MCM4: variants seen among roughly 807,000 people sequenced by gnomAD.
The protein encoded by MCM4 is minichromosome maintenance complex component 4.
In MCM4, 60 loss-of-function variants were observed where a neutral mutation model predicts 88.7. The ratio of observed to expected loss-of-function variants is 0.68; its 90% CI spans 0.55 to 0.84. The LOEUF is 0.84. MCM4 is among the 40% of genes least tolerant of loss of function. MCM4 has a pLI of 0.00. For synonymous variants in MCM4, 465 were observed against 410.5 expected (o/e 1.13, Z -1.61); for missense variants, 1,149 against 1,105.5 (o/e 1.04, Z -0.56).
At chr8:47,961,109 C>G in intron 1 of MCM4, 22 bp from the exon 2 acceptor site, 1 of 1,532,184 alleles carries the variant, frequency 6.5e-7, no homozygotes, top group Non-Finnish European at 8.7e-7. Context: ...GGGCCCGGCC[C>G]GAGCTTGTCC....
chr8:47,969,666 G>A, intron 10 of MCM4, 132 bp from the exon 11 acceptor site: 1 of 798,228 alleles, frequency 1.3e-6, no homozygotes, highest in Non-Finnish European at 2.0e-6. Flanking sequence ...AGAGACGGTG[G>A]AGCTCACCCT....
rs775124491 is a variant in MCM4 at position 47,976,929 on chromosome 8, T to C, written c.*151T>C. 23 of 552,546 alleles carry C rather than the reference T, an allele frequency of 4.2e-5. No homozygotes were observed. Among genetic ancestry groups the C allele is most frequent in the Non-Finnish European group, 7.5e-5 (23 of 306,372 alleles). 34.2% of individuals were successfully genotyped at this position (552,546 alleles called of 1,614,324 possible). A position where few individuals can be genotyped will look rare whatever the true frequency, so the allele number is the denominator to read the frequency against. ...AATTTTCTAACTTGGGTTCAATATTTGTAGTGAAGTATCTGTTTTCATTTT... is the reference window on the plus strand; with the variant it reads ...AATTTTCTAACTTGGGTTCAATATTCGTAGTGAAGTATCTGTTTTCATTTT... On this transcript the variant is annotated 3_prime_UTR_variant, in exon 17 of 17. Transcript: ENST00000649973.
At chr8:47,964,030 C>T (rs555018128) in intron 7 of MCM4, among the ~76,000 whole-genome samples, 10 of 152,278 alleles carry the variant, frequency 6.6e-5, no homozygotes, top group South Asian at 6.2e-4. Flanking sequence ...TCAAGACCAG[C>T]CTGACCAACG....
chr8:47,962,472 C>T (rs2090853316), intron 5 of MCM4, 66 bp downstream of exon 5: 5 of 1,504,428 alleles, frequency 3.3e-6, no homozygotes, highest in Non-Finnish European at 4.6e-6. Flanking sequence ...TGTTTATAAT[C>T]TATATCTAAG....
chr8:47,962,790 T>C lies in MCM4; in HGVS notation c.528T>C (p.Pro176=). ...GATTTCTTCAGCGTTTTATTGACCCTCTGGCTAAAGAAGAAGAAAATGTTG... is the reference window on the plus strand; with the variant it reads ...GATTTCTTCAGCGTTTTATTGACCCCCTGGCTAAAGAAGAAGAAAATGTTG... ...FQRFLQRFID[P]LAKEEENVGI... is the part of the protein sequence containing the mutation. Residue 176 remains proline, a synonymous_variant, in exon 6 of 17, where the codon CCT becomes CCC. Transcript: ENST00000649973. The C allele has an allele frequency of 6.2e-7, 1 of 1,609,140 alleles. No individual in the cohort carries two copies. Among genetic ancestry groups the C allele is most frequent in the East Asian group, 2.2e-5 (1 of 44,814 alleles).
chr8:47,967,550 T>G, intron 10 of MCM4, 65 bp downstream of exon 10: 9 of 1,602,180 alleles, frequency 5.6e-6, no homozygotes, highest in Non-Finnish European at 6.8e-6. Flanking sequence ...TGTGCTTTAG[T>G]GAGTCATTGG....
intron 2 of MCM4, 21 bp from the exon 3 acceptor site, chr8:47,961,495 T>C (rs374385317): frequency 1.3e-4 from 207 of 1,613,550 alleles, no homozygotes; most frequent in Non-Finnish European, 1.7e-4. Flanking sequence ...TGGCTGTCTT[T>C]TCTGTTTTGT....
At position 47,976,986 on chromosome 8, in the gene MCM4, C is replaced by T. The variant is rs1416821188; in HGVS notation, c.*208C>T. 3 of 399,760 alleles carry T rather than the reference C, an allele frequency of 7.5e-6. No homozygotes were observed. Among genetic ancestry groups the T allele is most frequent in the African/African-American group, 2.1e-5 (1 of 48,554 alleles). The allele number at this position is 399,760 out of a possible 1,614,324, so 24.8% of individuals were successfully genotyped here. A position where few individuals can be genotyped will look rare whatever the true frequency, so the allele number is the denominator to read the frequency against. On this transcript the variant is annotated 3_prime_UTR_variant, in exon 17 of 17. Coordinates refer to ENST00000649973, the MANE Select transcript of MCM4 (RefSeq NM_182746.3). ...GTTATAAATAAAAATACTATGCTGG[C>T]CGGGCGCGGTGGCTCACACCTGTAA...
chr8:47,975,058 A>G (rs1045326518), intron 15 of MCM4, 96 bp downstream of exon 15: 3 of 1,015,076 alleles, frequency 3.0e-6, no homozygotes, highest in Non-Finnish European at 4.3e-6. Context: ...AAATCATTTG[A>G]AACAGAAGTT....
intron 14 of MCM4, 143 bp from the exon 15 acceptor site, chr8:47,974,591 T>C: frequency 2.9e-6 from 2 of 691,526 alleles, no homozygotes; most frequent in East Asian, 2.5e-5. Flanking sequence ...GTGTAGTCTC[T>C]ACCACTTGAT....
Position 47,960,958 on chromosome 8 carries a change from C to A in MCM4, c.-71C>A. The A allele has an allele frequency of 7.0e-6, 4 of 574,974 alleles. No individual in the cohort carries two copies. The highest frequency in any genetic ancestry group is 1.1e-5 in the Non-Finnish European group (4 of 353,998). 35.6% of individuals were successfully genotyped at this position (574,974 alleles called of 1,614,324 possible). ...TGGGTCTCGCGGTTTGGGAGCGCTACTCGCCAGGTGGACTCGGAGTCCGCG... is the reference window on the plus strand; with the variant it reads ...TGGGTCTCGCGGTTTGGGAGCGCTAATCGCCAGGTGGACTCGGAGTCCGCG... On this transcript the variant is annotated 5_prime_UTR_variant, in exon 1 of 17. Coordinates refer to ENST00000649973, the MANE Select transcript of MCM4 (RefSeq NM_182746.3).
At chr8:47,974,639 A>T in intron 14 of MCM4, 95 bp from the exon 15 acceptor site, 1 of 922,514 alleles carries the variant, frequency 1.1e-6, no homozygotes, top group Non-Finnish European at 1.7e-6. Context: ...AGTTCCGTTT[A>T]CTTAATGGAA....
intron 15 of MCM4, 129 bp downstream of exon 15, chr8:47,975,091 C>A (rs1431248402): frequency 8.8e-6 from 6 of 684,064 alleles, no homozygotes; most frequent in Non-Finnish European, 1.4e-5. Flanking sequence ...TGGATTAGGA[C>A]CCCTTTGAGA....
At chr8:47,970,925 A>G in intron 12 of MCM4, 49 bp downstream of exon 12, 1 of 1,532,882 alleles carries the variant, frequency 6.5e-7, no homozygotes, top group Non-Finnish European at 8.8e-7. Flanking sequence ...AAATATGTGG[A>G]CCCTTGAAAG....
Position 47,972,909 on chromosome 8 carries a change from C to A in MCM4, c.1981C>A (p.Arg661Ser). 6.2e-7 allele frequency: 1 copy of A among 1,614,176 alleles called. No homozygotes were observed. The highest frequency in any genetic ancestry group is 2.2e-5 in the East Asian group (1 of 44,884). ...LDPQDEAYDR[R>S]LAHHLVALYY... is the part of the protein sequence containing the mutation. ...CCCTCAGGACGAAGCCTATGACAGG[C>A]GTCTGGCTCACCACCTGGTCGCACT... The change falls in exon 14 of 17, where the codon CGT becomes AGT. Residue 661 changes from arginine (R) to serine (S), a missense_variant. Physicochemically the swap from Arg to Ser is moderately radical, Grantham distance 110. This residue lies in a region of MCM4 where 906 missense variants were observed against 843.0 expected (regional missense o/e 1.07). Transcript: ENST00000649973.
chr8:47,967,573 G>T (rs2090911982), intron 10 of MCM4, 88 bp downstream of exon 10: 1 of 1,545,804 alleles, frequency 6.5e-7, no homozygotes, highest in Non-Finnish European at 8.9e-7. Flanking sequence ...TTGGTCACAG[G>T]TCCAGTTCTA....
intron 10 of MCM4, among the ~76,000 whole-genome samples, chr8:47,968,226 T>G (rs571713710): frequency 6.6e-6 from 1 of 152,272 alleles, no homozygotes; most frequent in African/African-American, 2.4e-5. Flanking sequence ...AGTGCCTGAA[T>G]CTGCTCCTGA....
Position 47,964,662 on chromosome 8 carries a change from G to A in MCM4, c.782G>A (p.Arg261Lys). The A allele has an allele frequency of 6.2e-7, 1 of 1,605,422 alleles. No individual in the cohort carries two copies. The change falls in exon 8 of 17, where the codon AGA becomes AAA. Residue 261 changes from arginine (R) to lysine (K), a missense_variant. Arg to Lys is a conservative substitution (Grantham distance 26). Around this residue, in one of 3 missense-constraint regions of MCM4, gnomAD observed 906 missense variants for 843.0 expected, o/e 1.07. Transcript: ENST00000649973. ...ATCTTAGAACATCAGATTCAAGTAA[G>A]ACCATTCAACGCATTGAAGACTAAG... The part of the protein sequence containing the change: ...DSILEHQIQV[R>K]PFNALKTKNM...
rs771028003 is a variant in MCM4 at position 47,961,586 on chromosome 8, G to A, written c.141G>A (p.Glu47=). 20 of 1,614,078 alleles carry A rather than the reference G, an allele frequency of 1.2e-5. No individual in the cohort carries two copies. Among genetic ancestry groups the A allele is most frequent in the Admixed American group, 1.7e-5 (1 of 60,010 alleles). ...GCGAGGATTCCACCTCCACGGGGGAGTTGCAGCCGATGCCAACCTCGCCTG... is the reference window on the plus strand; with the variant it reads ...GCGAGGATTCCACCTCCACGGGGGAATTGCAGCCGATGCCAACCTCGCCTG... ...RRGEDSTSTG[E]LQPMPTSPGV... Residue 47 remains glutamate (E), a synonymous_variant, in exon 3 of 17, where the codon GAG becomes GAA. Transcript: ENST00000649973.
Sources: allele counts gnomAD v4.1 joint callset (sites outside exome capture counted in the v4.1 genomes callset), GRCh38; gene constraint gnomAD v4.1.1; regional missense constraint gnomAD v4.1.1; transcripts MANE v1.5; gene names NCBI Gene and HGNC (gene_info 2026-07-23, HGNC 2026-07-21).